The following ARID4A variants were observed in gnomAD, a reference collection of about 807,000 sequenced individuals.
The protein encoded by ARID4A is AT-rich interactive domain-containing protein 4A.
In ARID4A, 39 loss-of-function variants were observed where a neutral mutation model predicts 148.6. The ratio of observed to expected loss-of-function variants is 0.26; its 90% CI spans 0.20 to 0.34. The LOEUF is 0.34. ARID4A is among the 10% of genes least tolerant of loss of function. The pLI is 1.00. For missense variants in ARID4A, 1,265 were observed against 1,449.1 expected (o/e 0.87, Z 2.06); for synonymous variants, 475 against 481.2 (o/e 0.99, Z 0.17).
chr14:58,325,852 AAG>A (rs764695680), intron 8 of ARID4A, among the ~76,000 whole-genome samples: 4 of 152,080 alleles, frequency 2.6e-5, no homozygotes, highest in Non-Finnish European at 5.9e-5. Flanking sequence ...TAGGTTTGCC[AAG>A]AGTTTTTTTT....
chr14:58,358,981 A>G, intron 17 of ARID4A, 151 bp from the exon 18 acceptor site: 1 of 776,682 alleles, frequency 1.3e-6, no homozygotes, highest in Non-Finnish European at 2.0e-6. Context: ...GTTACCAGCA[A>G]ACCAGCCCCT....
chr14:58,346,557 G>GTTATCTTATATTGCA (rs1566705665), intron 13 of ARID4A, 52 bp downstream of exon 13: 7 of 1,237,868 alleles, frequency 5.7e-6, no homozygotes, highest in Non-Finnish European at 8.2e-6. Context: ...AAAAAGTTAA[G>GTTATCTTATATTGCA]TTATCTTATA....
chr14:58,366,275 G>T (rs765470876), intron 22 of ARID4A, 45 bp downstream of exon 22: 150 of 1,363,308 alleles, frequency 1.1e-4, no homozygotes, highest in Non-Finnish European at 1.5e-4. Flanking sequence ...CTGTAAAGTG[G>T]AATAGATCTT....
chr14:58,318,654 A>C, intron 6 of ARID4A, 33 bp downstream of exon 6: 2 of 1,613,288 alleles, frequency 1.2e-6, no homozygotes, highest in Non-Finnish European at 1.7e-6. Context: ...TTTGGATTGA[A>C]CTACAGGTAC....
chr14:58,314,894 G>A (rs1466129159), intron 5 of ARID4A, among the ~76,000 whole-genome samples: 1 of 152,182 alleles, frequency 6.6e-6, no homozygotes, highest in East Asian at 1.9e-4. Context: ...CAAGGTGGGT[G>A]GAACACTTGA....
In ARID4A at chr14:58,298,652, G is replaced by C. The variant is rs1399225233; in HGVS notation, c.-106G>C. The C allele has an allele frequency of 1.3e-5, 2 of 152,808 alleles. No individual in the cohort carries two copies. Among genetic ancestry groups the C allele is most frequent in the Non-Finnish European group, 2.9e-5 (2 of 68,184 alleles). 9.5% of individuals were successfully genotyped at this position (152,808 alleles called of 1,614,324 possible). A position where few individuals can be genotyped will look rare whatever the true frequency, so the allele number is the denominator to read the frequency against. Reference sequence around the variant, plus strand: ...CCCGGACGGGGGCCCACGGAGGTCAGAGGGGAGGAGGACTCTGGAGCTGAC... The same window carrying C: ...CCCGGACGGGGGCCCACGGAGGTCACAGGGGAGGAGGACTCTGGAGCTGAC... On this transcript the variant is annotated 5_prime_UTR_variant, in exon 1 of 24. Coordinates refer to ENST00000355431, the MANE Select transcript of ARID4A (RefSeq NM_002892.4).
intron 8 of ARID4A, 95 bp from the exon 9 acceptor site, chr14:58,328,142 T>G: frequency 7.2e-6 from 6 of 835,258 alleles, no homozygotes; most frequent in African/African-American, 1.7e-5. Flanking sequence ...ATAATCTATT[T>G]GAGAAGTTAG....
Position 58,361,061 on chromosome 14 carries a change from G to A in ARID4A, c.2080+19G>A, listed in dbSNP as rs755788667. 1.6e-5 allele frequency: 26 copies of A among 1,610,736 alleles called. No homozygotes were observed. The highest frequency in any genetic ancestry group is 2.1e-5 in the Non-Finnish European group (25 of 1,178,512). On this transcript the variant is annotated intron_variant, in intron 19 of 23. Coordinates refer to ENST00000355431, the MANE Select transcript of ARID4A (RefSeq NM_002892.4). ...AAATCAGGTACCAGAAGTGCTCGCA[G>A]CAATATACCAGACAGCTCACCTCTG...
chr14:58,366,057 T>C lies in ARID4A; in HGVS notation c.3350T>C (p.Leu1117Pro). 1 of 1,613,784 alleles carries C rather than the reference T, an allele frequency of 6.2e-7. No homozygotes were observed. The highest frequency in any genetic ancestry group is 1.1e-5 in the South Asian group (1 of 91,084). Reference protein sequence around the residue: ...QSSDSEDLPVLDNSSKCTPVK... With the variant: ...QSSDSEDLPVPDNSSKCTPVK... ...AGTGATAGTGAAGATCTTCCTGTCC[T>C]AGACAATTCAAGTAAATGTACCCCA... is the stretch of plus-strand genomic sequence containing the variant. Residue 1117 changes from leucine (L) to proline (P), a missense_variant, in exon 22 of 24, where the codon CTA (leucine) becomes CCA (proline). By Grantham distance (98) the Leu-to-Pro change is moderately conservative. This residue lies in a region of ARID4A where 666 missense variants were observed against 730.9 expected (regional missense o/e 0.91). Transcript: ENST00000355431.
rs1198682182 is a variant in ARID4A, at chr14:58,364,467, A to C, written c.2378A>C (p.Lys793Thr). 1 of 1,613,094 alleles carries C rather than the reference A, an allele frequency of 6.2e-7. No individual in the cohort carries two copies. Among genetic ancestry groups the C allele is most frequent in the African/African-American group, 1.3e-5 (1 of 74,888 alleles). Residue 793 changes from lysine to threonine, a missense_variant, in exon 20 of 24, where the codon AAG becomes ACG. This residue lies in a region of ARID4A where 666 missense variants were observed against 730.9 expected (regional missense o/e 0.91). Transcript: ENST00000355431. ...GAAGCCGAAAAATCTCCAAAAGGAA[A>C]GGGAAGACGAAGCAAGACAAAAGAT... ...KKEAEKSPKGKGRRSKTKDLS... is the reference protein window; with the variant it reads ...KKEAEKSPKGTGRRSKTKDLS...
chr14:58,337,322 A>G (rs1046560048), intron 11 of ARID4A, among the ~76,000 whole-genome samples: 2 of 143,960 alleles, frequency 1.4e-5, no homozygotes, highest in African/African-American at 5.1e-5. Flanking sequence ...TTTTAAGAAA[A>G]TGTTCTCTCC....
intron 18 of ARID4A, among the ~76,000 whole-genome samples, chr14:58,359,585 T>C (rs1300524276): frequency 6.6e-6 from 1 of 152,178 alleles, no homozygotes; most frequent in African/African-American, 2.4e-5. Context: ...AAAAATCCTT[T>C]ATGTTCTGCT....
intron 11 of ARID4A, among the ~76,000 whole-genome samples, chr14:58,337,246 T>TTATATTTATATATATATATATA (rs2033870914): frequency 2.4e-5 from 2 of 83,818 alleles, no homozygotes; most frequent in Non-Finnish European, 5.1e-5. Flanking sequence ...TTCTCTTTAT[T>TTATATTTATATATATATATATA]TATATATATA....
At chr14:58,306,240 C>G (rs2031588346) in intron 5 of ARID4A, 128 bp downstream of exon 5, 2 of 639,652 alleles carry the variant, frequency 3.1e-6, no homozygotes, top group South Asian at 2.6e-5. Context: ...CTGGATATAG[C>G]TGACTAAAAT....
chr14:58,319,855 A>C (rs374892133), intron 7 of ARID4A, among the ~76,000 whole-genome samples: 5 of 151,118 alleles, frequency 3.3e-5, no homozygotes, highest in African/African-American at 7.3e-5. Flanking sequence ...CCTAATGTCT[A>C]TATACTCTTT....
chr14:58,332,150 T>G (rs1245076054), intron 11 of ARID4A, among the ~76,000 whole-genome samples: 19 of 152,124 alleles, frequency 1.2e-4, no homozygotes, highest in Non-Finnish European at 2.8e-4. Context: ...TTATTCAAGC[T>G]GTGAGTATAC....
chr14:58,303,036 T>C (rs1030327284), intron 3 of ARID4A, among the ~76,000 whole-genome samples: 3 of 152,230 alleles, frequency 2.0e-5, no homozygotes, highest in African/African-American at 7.2e-5. Flanking sequence ...AGTAATTTTC[T>C]TATATGAATA....
intron 11 of ARID4A, among the ~76,000 whole-genome samples, chr14:58,338,869 G>C (rs985094586): frequency 6.6e-6 from 1 of 150,714 alleles, no homozygotes; most frequent in African/African-American, 2.4e-5. Context: ...AAAGTCCTTT[G>C]GTATTGAAAA....
chr14:58,324,953 A>G (rs982019853), intron 8 of ARID4A, among the ~76,000 whole-genome samples: 1 of 152,214 alleles, frequency 6.6e-6, no homozygotes, highest in African/African-American at 2.4e-5. Context: ...TAAAGATTGT[A>G]TAGTAAATTA....
Sources: gnomAD v4.1 joint callset for allele counts (sites outside exome capture counted in the v4.1 genomes callset) on GRCh38, gnomAD v4.1.1 for gene constraint, gnomAD v4.1.1 regional missense constraint, MANE v1.5 for transcripts, NCBI Gene and HGNC (gene_info 2026-07-23, HGNC 2026-07-21) for gene names.